FAF1: variants seen among roughly 807,000 people sequenced by gnomAD.
FAF1 encodes FAS-associated factor 1.
A neutral mutation model predicts 92.5 loss-of-function variants in FAF1; 25 were observed. That is an observed-to-expected ratio of 0.27 (90% CI 0.20 to 0.38). The LOEUF is 0.38. Among genes scored for constraint, FAF1 ranks in the 10% least tolerant of loss-of-function variants. FAF1 has a pLI of 1.00. For synonymous variants in FAF1, 234 were observed against 273.2 expected (o/e 0.86, Z 1.42); for missense variants, 636 against 793.3 (o/e 0.80, Z 2.38).
intron 1 of FAF1, among the ~76,000 whole-genome samples, chr1:50,881,936 T>C (rs1644615897): frequency 1.3e-5 from 2 of 152,104 alleles, no homozygotes. Context: ...ACCCTGAAAA[T>C]TGTAAGATTT....
At chr1:50,641,396 T>G (rs147886252) in intron 8 of FAF1, among the ~76,000 whole-genome samples, 6 of 152,208 alleles carry the variant, frequency 3.9e-5, no homozygotes, top group African/African-American at 9.6e-5. Flanking sequence ...TTCATTTTAA[T>G]TTAGTTTAAA....
intron 17 of FAF1, among the ~76,000 whole-genome samples, chr1:50,486,940 A>G (rs1162834434): frequency 6.6e-6 from 1 of 152,162 alleles, no homozygotes; most frequent in Non-Finnish European, 1.5e-5. Flanking sequence ...TAGTTACTAT[A>G]AAGTCCATCC....
At chr1:50,678,566 G>A (rs1169842922) in intron 7 of FAF1, among the ~76,000 whole-genome samples, 2 of 151,882 alleles carry the variant, frequency 1.3e-5, no homozygotes, top group African/African-American at 4.8e-5. Context: ...TGGATCACGA[G>A]GTCAGGAGAT....
chr1:50,774,875 C>A lies in FAF1; in HGVS notation c.367+13125G>T, dbSNP rs17106365. Among the ~76,000 whole-genome samples the A allele has an allele frequency of 6.4e-3, 971 of 152,054 alleles. 19 individuals are homozygous for A. Among genetic ancestry groups the A allele is most frequent in the African/African-American group, 0.022 (926 of 41,506 alleles). On this transcript the variant is annotated intron_variant, in intron 4 of 18. Transcript: ENST00000396153. ...TTTAAATTTATTCAAGATAAGAAAA[C>A]AGAATTCAGAAGGTTTTGGGTATTG...
chr1:50,792,522 TCA>T (rs1661600515), intron 3 of FAF1, among the ~76,000 whole-genome samples: 1 of 152,170 alleles, frequency 6.6e-6, no homozygotes, highest in Admixed American at 6.5e-5. Context: ...ATGAAAACTC[TCA>T]AAAGAGTCCA....
chr1:50,819,718 T>TATATATAC (rs1644018843), intron 2 of FAF1, among the ~76,000 whole-genome samples: 1 of 23,200 alleles, frequency 4.3e-5, no homozygotes, highest in African/African-American at 1.6e-4. Context: ...TATATATACG[T>TATATATAC]ATATATATAT....
At chr1:50,687,927 A>C (rs985912047) in intron 7 of FAF1, among the ~76,000 whole-genome samples, 1 of 151,948 alleles carries the variant, frequency 6.6e-6, no homozygotes, top group Non-Finnish European at 1.5e-5. Context: ...CAAGGTCAGG[A>C]GTTCGAGACC....
chr1:50,603,937 T>C (rs776110297), intron 8 of FAF1, among the ~76,000 whole-genome samples: 1 of 152,262 alleles, frequency 6.6e-6, no homozygotes, highest in Non-Finnish European at 1.5e-5. Context: ...CTGTGTTCTC[T>C]GCCTGGCCTT....
rs560264673 is a variant in FAF1, at chr1:50,507,413, AT to A, written c.1495-15613del. ...AAGCAGAGATTTCAGTAATGAAAAC[AT>A]TTTTACGGGGACTAGTTAGGCACTA... On this transcript the variant is annotated intron_variant, in intron 15 of 18. Transcript: ENST00000396153. Among the ~76,000 whole-genome samples, 16 of 152,322 alleles carry A rather than the reference AT, an allele frequency of 1.1e-4. No individual in the cohort carries two copies. In the South Asian group the frequency reaches 3.3e-3, roughly 32 times the overall value.
At chr1:50,718,533 A>G (rs577143083) in intron 6 of FAF1, among the ~76,000 whole-genome samples, 1 of 150,280 alleles carries the variant, frequency 6.7e-6, no homozygotes, top group Non-Finnish European at 1.5e-5. Flanking sequence ...TGTTATGTGC[A>G]TATGTTATTT....
At chr1:50,692,149 G>C (rs768214431) in intron 7 of FAF1, among the ~76,000 whole-genome samples, 1 of 151,922 alleles carries the variant, frequency 6.6e-6, no homozygotes, top group Admixed American at 6.6e-5. Flanking sequence ...CCGGGAGTTC[G>C]AGCATGCAGT....
chr1:50,693,134 C>G (rs1377610656), intron 7 of FAF1, among the ~76,000 whole-genome samples: 2 of 152,184 alleles, frequency 1.3e-5, no homozygotes, highest in African/African-American at 4.8e-5. Context: ...GAAACCATTA[C>G]CTAACCCAAA....
At chr1:50,574,328 G>C (rs549107266) in intron 12 of FAF1, among the ~76,000 whole-genome samples, 1 of 152,224 alleles carries the variant, frequency 6.6e-6, no homozygotes, top group Non-Finnish European at 1.5e-5. Context: ...GCAAGTTACA[G>C]AGAAGCAGGC....
chr1:50,781,290 A>T (rs1218712865), intron 4 of FAF1: 1 of 152,580 alleles, frequency 6.6e-6, no homozygotes. Flanking sequence ...ATAAAAGTAA[A>T]ATCACTTCAA....
intron 1 of FAF1, among the ~76,000 whole-genome samples, chr1:50,872,950 C>T (rs1644540883): frequency 6.6e-6 from 1 of 151,988 alleles, no homozygotes; most frequent in Non-Finnish European, 1.5e-5. Context: ...ACACAGAAAC[C>T]TCTCATGAAA....
intron 6 of FAF1, among the ~76,000 whole-genome samples, chr1:50,726,704 C>CTGTA (rs1658673664): frequency 6.6e-6 from 1 of 152,140 alleles, no homozygotes; most frequent in East Asian, 1.9e-4. Flanking sequence ...TGGCGGGCAC[C>CTGTA]TGTAGTCCCA....
chr1:50,744,702 C>T lies in FAF1; in HGVS notation c.441G>A (p.Thr147=), dbSNP rs925082192. 16 of 1,607,150 alleles carry T rather than the reference C, an allele frequency of 1.0e-5. No homozygotes were observed. The highest frequency in any genetic ancestry group is 1.4e-5 in the Non-Finnish European group (16 of 1,176,208). The change falls in exon 5 of 19, where the codon ACG becomes ACA. Residue 147 remains threonine, a synonymous_variant. Transcript: ENST00000396153. ...VSKMLLKGWK[T]GDVEDSTVLK... ...AACTCACACTGTCTTCCACATCTCC[C>T]GTCTTCCAGCCTTTTAACAGCATTT...
intron 4 of FAF1, among the ~76,000 whole-genome samples, chr1:50,754,694 C>T (rs969721458): frequency 2.0e-5 from 3 of 152,104 alleles, no homozygotes; most frequent in Non-Finnish European, 2.9e-5. Context: ...GTGTATTAGT[C>T]CATTTTCACA....
chr1:50,700,124 G>C (rs1232090767), intron 7 of FAF1, among the ~76,000 whole-genome samples: 1 of 151,560 alleles, frequency 6.6e-6, no homozygotes, highest in East Asian at 1.9e-4. Flanking sequence ...AAGGCTTCAA[G>C]GCCTCTTTTC....
Sources: allele counts gnomAD v4.1 joint callset (sites outside exome capture counted in the v4.1 genomes callset), GRCh38; gene constraint gnomAD v4.1.1; transcripts MANE v1.5; gene names NCBI Gene and HGNC (gene_info 2026-07-23, HGNC 2026-07-21).